Variants in VBP1 observed in about 807,000 individuals in gnomAD.
VBP1 encodes the protein prefoldin subunit 3.
In VBP1, 4 loss-of-function variants were observed where a neutral mutation model predicts 15.5. The ratio of observed to expected loss-of-function variants is 0.26; its 90% confidence interval spans 0.13 to 0.59. The LOEUF (loss-of-function observed/expected upper bound fraction) is 0.59. Among genes scored for constraint, VBP1 ranks in the 20% least tolerant of loss-of-function variants. The pLI is 0.90. For missense variants in VBP1, 108 were observed against 139.6 expected, an observed-to-expected ratio of 0.77 and a Z score of 1.14; for synonymous variants, 61 against 52.1, an observed-to-expected ratio of 1.17 and a Z score of -0.74.
chrX:155,204,532 A>C (rs1177964884), intron 1 of VBP1, among the ~76,000 whole-genome samples: 2 of 112,146 alleles, frequency 1.8e-5, no homozygotes, highest in Admixed American at 9.5e-5. Flanking sequence ...AGATATTTTT[A>C]AATGGAAGGT....
intron 5 of VBP1, among the ~76,000 whole-genome samples, chrX:155,237,743 C>T (rs1288498673): frequency 8.9e-6 from 1 of 112,434 alleles, no homozygotes; most frequent in African/African-American, 3.2e-5. Context: ...CTAAATATCT[C>T]AGTCCAAGCA....
intron 2 of VBP1, chrX:155,209,007 G>C (rs1557308309): frequency 8.8e-7 from 1 of 1,133,614 alleles, no homozygotes; most frequent in Non-Finnish European, 1.2e-6. Flanking sequence ...TGTTGCTAAG[G>C]GCCTTGGCAG....
chrX:155,212,610 G>A (rs2074648481), upstream of VBP1, among the ~76,000 whole-genome samples: 1 of 112,008 alleles, frequency 8.9e-6, no homozygotes, highest in African/African-American at 3.2e-5. Flanking sequence ...TGAGGACACT[G>A]AGCTAGATAG....
chrX:155,197,783 G>A (rs954983006), intron 1 of VBP1, among the ~76,000 whole-genome samples: 16 of 112,344 alleles, frequency 1.4e-4, no homozygotes, highest in African/African-American at 5.1e-4. Flanking sequence ...AGCGCACTGT[G>A]CGCAAGCCGA....
upstream of VBP1, among the ~76,000 whole-genome samples, chrX:155,212,082 A>G (rs1308378583): frequency 8.9e-6 from 1 of 112,268 alleles, no homozygotes; most frequent in Non-Finnish European, 1.9e-5. Context: ...ACAGTGTTAA[A>G]GTAACTAACC....
chrX:155,197,077 A>G (rs1339460026), exon 1 of VBP1: 3 of 112,338 alleles, frequency 2.7e-5, no homozygotes, highest in African/African-American at 9.7e-5. Context: ...TACATCTAAA[A>G]GACATCATAA....
At chrX:155,226,397 G>A (rs1557310266) in intron 2 of VBP1, among the ~76,000 whole-genome samples, 5 of 112,217 alleles carry the variant, frequency 4.5e-5, no homozygotes, top group African/African-American at 1.6e-4. Flanking sequence ...CGGATCAGTT[G>A]TATCATGTCC....
intron 3 of VBP1, among the ~76,000 whole-genome samples, chrX:155,227,507 C>T (rs1224519703): frequency 1.8e-5 from 2 of 112,295 alleles, no homozygotes; most frequent in African/African-American, 6.5e-5. Flanking sequence ...ATTCTAGGGC[C>T]CACACTTGGA....
chrX:155,208,781 A>G, intron 1 of VBP1: 1 of 483,325 alleles, frequency 2.1e-6, no homozygotes, highest in Admixed American at 3.9e-5. Context: ...TATTTACTCT[A>G]GGGGGCTACT....
At chrX:155,234,550 CAT>C (rs1385488538) in intron 4 of VBP1, among the ~76,000 whole-genome samples, 1 of 112,026 alleles carries the variant, frequency 8.9e-6, no homozygotes, top group Non-Finnish European at 1.9e-5. Context: ...TTACCACTGA[CAT>C]TTTTGCATAT....
At chrX:155,199,017 A>T (rs1350855368) in intron 1 of VBP1, among the ~76,000 whole-genome samples, 1 of 111,628 alleles carries the variant, frequency 9.0e-6, no homozygotes, top group Non-Finnish European at 1.9e-5. Context: ...CAGTGATGGA[A>T]GATGAAATGA....
intron 1 of VBP1, among the ~76,000 whole-genome samples, chrX:155,206,807 G>A (rs1258372853): frequency 3.6e-5 from 4 of 111,110 alleles, no homozygotes; most frequent in African/African-American, 1.3e-4. Context: ...TTTTCTCTTA[G>A]TTTTCCTCCT....
intron 1 of VBP1, among the ~76,000 whole-genome samples, chrX:155,200,737 G>A (rs2074599785): frequency 9.3e-6 from 1 of 107,493 alleles, no homozygotes; most frequent in Admixed American, 1.0e-4. Context: ...AAAGCTAGCA[G>A]AAGGCAAGAA....
At chrX:155,238,362 G>A (rs2074783634) in intron 5 of VBP1, among the ~76,000 whole-genome samples, 1 of 111,353 alleles carries the variant, frequency 9.0e-6, no homozygotes, top group African/African-American at 3.3e-5. Context: ...CCAAAGGGAG[G>A]GTAAGAGATA....
At chrX:155,203,226 G>C (rs1557307723) in intron 1 of VBP1, among the ~76,000 whole-genome samples, 1 of 111,125 alleles carries the variant, frequency 9.0e-6, no homozygotes, top group African/African-American at 3.3e-5. Flanking sequence ...TCTAGAACTA[G>C]AAATACCATT....
At chrX:155,216,314 G>A, upstream of VBP1, 11 of 1,050,090 alleles carry the variant, frequency 1.0e-5, no homozygotes, top group African/African-American at 1.9e-5. Flanking sequence ...AGCACCTAGA[G>A]GTTGGGCTAC....
chrX:155,214,137 C>G (rs782524139), upstream of VBP1, among the ~76,000 whole-genome samples: 1 of 112,557 alleles, frequency 8.9e-6, no homozygotes, highest in Non-Finnish European at 1.9e-5. Context: ...ATTTGAAAAC[C>G]ATTATCCAAT....
intron 3 of VBP1, among the ~76,000 whole-genome samples, chrX:155,228,071 G>T (rs1358568133): frequency 9.0e-6 from 1 of 111,661 alleles, no homozygotes; most frequent in Non-Finnish European, 1.9e-5. Context: ...GGGGGTGTGT[G>T]TGTGTCTGTG....
intron 4 of VBP1, among the ~76,000 whole-genome samples, chrX:155,231,319 C>CT (rs2074745520): frequency 8.9e-6 from 1 of 112,152 alleles, no homozygotes; most frequent in East Asian, 2.8e-4. Flanking sequence ...CACATTTCTA[C>CT]TTCTGTGTTC....
Sources: gnomAD v4.1 joint callset for allele counts (sites outside exome capture counted in the v4.1 genomes callset) on GRCh38, gnomAD v4.1.1 for gene constraint, MANE v1.5 for transcripts, NCBI Gene and HGNC (gene_info 2026-07-23, HGNC 2026-07-21) for gene names.